The following SPATA13 variants were observed in gnomAD, a reference collection of about 807,000 sequenced individuals.
SPATA13 encodes spermatogenesis-associated protein 13.
In SPATA13, 50 loss-of-function variants were observed where a neutral mutation model predicts 104.0. The observed-to-expected ratio is 0.48, with a 90% CI of 0.38 to 0.61. The LOEUF is 0.61. SPATA13 is among the 20% of genes least tolerant of loss of function. SPATA13 has a pLI of 0.00. For missense variants in SPATA13, 1,524 were observed against 1,690.6 expected, an observed-to-expected ratio of 0.90 and a Z score of 1.73; for synonymous variants, 606 against 667.5, an observed-to-expected ratio of 0.91 and a Z score of 1.42.
intron 3 of SPATA13, among the ~76,000 whole-genome samples, chr13:24,026,697 C>T (rs1427054665): frequency 6.6e-6 from 1 of 152,146 alleles, no homozygotes; most frequent in South Asian, 2.1e-4. Context: ...TCTGCCTCAA[C>T]CTCCCAAGTA....
At chr13:24,024,722 T>C (rs1877130004) in intron 3 of SPATA13, among the ~76,000 whole-genome samples, 1 of 151,246 alleles carries the variant, frequency 6.6e-6, no homozygotes, top group Non-Finnish European at 1.5e-5. Context: ...ATATATATAG[T>C]AAAACTCCCT....
chr13:24,269,390 GTGTATGTATGTA>G (rs1330849361), intron 4 of SPATA13, among the ~76,000 whole-genome samples: 4 of 48,628 alleles, frequency 8.2e-5, no homozygotes, highest in East Asian at 1.1e-3. Flanking sequence ...GTATGTATGT[GTGTATGTATGTA>G]TGTATCTATT....
intron 3 of SPATA13, among the ~76,000 whole-genome samples, chr13:24,024,387 A>C (rs968660054): frequency 1.1e-4 from 17 of 152,144 alleles, no homozygotes; most frequent in Non-Finnish European, 1.8e-4. Context: ...GGATGGATAG[A>C]TGGAATGAAG....
Position 24,232,617 on chromosome 13 carries a change from C to G in SPATA13, c.1653+8035C>G, listed in dbSNP as rs1220598. 6.5e-3 allele frequency among the ~76,000 whole-genome samples: 984 copies of G among 152,334 alleles called. 8 individuals carry two copies. Among genetic ancestry groups the G allele is most frequent in the African/African-American group, 0.023 (945 of 41,584 alleles). On this transcript the variant is annotated intron_variant, in intron 2 of 12. Transcript: ENST00000382108. The stretch of plus-strand genomic sequence containing the variant: ...AGTACAATGGTGCAATCACAGCTTA[C>G]TGCAGCCTCAACCTCCCAAGGTCAA...
chr13:24,122,081 G>T, intron 3 of SPATA13: 4 of 1,597,954 alleles, frequency 2.5e-6, no homozygotes, highest in Non-Finnish European at 3.4e-6. Flanking sequence ...CATCCCTGGT[G>T]CTGGGCCTCC....
chr13:24,051,640 G>T lies in SPATA13; in HGVS notation c.-112+33939G>T, dbSNP rs1008658424. Among the ~76,000 whole-genome samples, 1 of 152,144 alleles carries T rather than the reference G, an allele frequency of 6.6e-6. No homozygotes were observed. Among genetic ancestry groups the T allele is most frequent in the Admixed American group, 6.5e-5 (1 of 15,282 alleles). On this transcript the variant is annotated intron_variant, in intron 3 of 14. Coordinates refer to the SPATA13 transcript ENST00000424834. The surrounding 1 kb of genome is among the most constrained non-coding windows in gnomAD (Gnocchi z 4.2). ...GAGACAATGCTCCCTGTTTGGGGAT[G>T]GAGGGGTGGGGACTTAGGGGCAAGG...
At chr13:24,072,825 C>CTTTTTTTTTTTTTTTTTTTT (rs11353469) in intron 3 of SPATA13, among the ~76,000 whole-genome samples, 1 of 120,672 alleles carries the variant, frequency 8.3e-6, no homozygotes, top group Non-Finnish European at 1.7e-5. Flanking sequence ...CTGTTGGCTC[C>CTTTTTTTTTTTTTTTTTTTT]TTTTTTTTTT....
chr13:24,007,945 C>T (rs980858256), intron 2 of SPATA13, among the ~76,000 whole-genome samples: 2 of 152,216 alleles, frequency 1.3e-5, no homozygotes, highest in East Asian at 1.9e-4. Flanking sequence ...ATTAGCTCTA[C>T]CTCAAGCATA....
chr13:24,008,680 A>T (rs1876336499), intron 2 of SPATA13, among the ~76,000 whole-genome samples: 1 of 152,210 alleles, frequency 6.6e-6, no homozygotes, highest in Non-Finnish European at 1.5e-5. Context: ...GGCCTGGGCC[A>T]GCTGAGGAAG....
rs965455120 is a variant in SPATA13, at chr13:24,224,400, C to G, written c.1471C>G (p.His491Asp). The change falls in exon 2 of 13, where the codon CAC (histidine) becomes GAC (aspartate). Residue 491 changes from histidine to aspartate, a missense_variant. Transcript: ENST00000382108. ...GAGSASCHSN[H>D]SALSANSEES... ...AGGAAGTGCCAGCTGTCACAGCAAT[C>G]ACAGTGCCCTGTCCGCGAATTCAGA... is the stretch of plus-strand genomic sequence containing the variant. 1.9e-6 allele frequency: 3 copies of G among 1,551,594 alleles called. No individual in the cohort carries two copies. The African/African-American group carries it at 4.1e-5, about 21-fold the overall frequency.
rs565830664 is a variant in SPATA13, at chr13:24,171,032, C to T, written c.-112+10100C>T. Among the ~76,000 whole-genome samples the T allele has an allele frequency of 3.3e-5, 5 of 151,952 alleles. No individual in the cohort carries two copies. In the East Asian group the frequency reaches 9.8e-4, roughly 30 times the overall value. On this transcript the variant is annotated intron_variant, in intron 1 of 12. Transcript: ENST00000382108. ...CAAGCATGGAACACATTCCTCCATGCCCCTTCTTTCTGAATCCTGCAGTGA... is the reference window on the plus strand; with the variant it reads ...CAAGCATGGAACACATTCCTCCATGTCCCTTCTTTCTGAATCCTGCAGTGA...
chr13:24,246,538 CTGTG>C (rs1566170611), intron 2 of SPATA13, among the ~76,000 whole-genome samples: 3 of 152,092 alleles, frequency 2.0e-5, no homozygotes, highest in African/African-American at 7.2e-5. Context: ...GTGCGTGTCT[CTGTG>C]TGTGAGAGAC....
intron 2 of SPATA13, among the ~76,000 whole-genome samples, chr13:23,996,596 G>A (rs988446791): frequency 1.7e-5 from 2 of 114,526 alleles, no homozygotes; most frequent in African/African-American, 7.1e-5. Flanking sequence ...AAGTTTTAAT[G>A]GTTGGCCACC....
intron 3 of SPATA13, among the ~76,000 whole-genome samples, chr13:24,059,909 CCTTGT>C (rs1316446649): frequency 6.6e-6 from 1 of 152,176 alleles, no homozygotes; most frequent in Admixed American, 6.5e-5. Flanking sequence ...AGAGGGGCAT[CCTTGT>C]CTTGTGCCAG....
chr13:23,998,103 C>T (rs1295898531), intron 2 of SPATA13, among the ~76,000 whole-genome samples: 1 of 152,154 alleles, frequency 6.6e-6, no homozygotes, highest in Non-Finnish European at 1.5e-5. Context: ...ATGACTAGGT[C>T]ATGTGATATG....
intron 3 of SPATA13, among the ~76,000 whole-genome samples, chr13:24,134,347 C>T (rs528130838): frequency 1.3e-5 from 2 of 152,300 alleles, no homozygotes; most frequent in South Asian, 2.1e-4. Context: ...GAGTAGTTAT[C>T]CTCTGGAAGA....
intron 2 of SPATA13, among the ~76,000 whole-genome samples, chr13:24,229,679 CAGTT>C (rs1872151760): frequency 6.6e-6 from 1 of 151,938 alleles, no homozygotes; most frequent in East Asian, 1.9e-4. Context: ...GTTCTTCAAA[CAGTT>C]AGTTTGACAT....
intron 3 of SPATA13, among the ~76,000 whole-genome samples, chr13:24,135,249 T>C (rs971847985): frequency 7.2e-5 from 11 of 152,340 alleles, no homozygotes; most frequent in African/African-American, 2.6e-4. Flanking sequence ...TCTCTCATCT[T>C]TTCCTCTGAT....
At chr13:24,220,267 C>T (rs990356133) in intron 1 of SPATA13, among the ~76,000 whole-genome samples, 6 of 152,166 alleles carry the variant, frequency 3.9e-5, no homozygotes, top group African/African-American at 1.4e-4. Context: ...GTCTTGGGCC[C>T]TTGTTTCCTT....
Sources: gnomAD v4.1 joint callset for allele counts (sites outside exome capture counted in the v4.1 genomes callset) on GRCh38, gnomAD v4.1.1 for gene constraint, Gnocchi (gnomAD v3.1) non-coding constraint, MANE v1.5 for transcripts, NCBI Gene and HGNC (gene_info 2026-07-23, HGNC 2026-07-21) for gene names.